The following OPHN1 variants were observed in gnomAD, a reference collection of about 807,000 sequenced individuals.
The protein encoded by OPHN1 is oligophrenin-1.
OPHN1 carries 11 observed loss-of-function variants against 60.7 expected under a neutral mutation model. That is an observed-to-expected ratio of 0.18 (90% CI 0.11 to 0.30). OPHN1 has a LOEUF of 0.30. Ranked by LOEUF, OPHN1 falls within the 10% of genes least tolerant of loss-of-function variation. The pLI is 1.00. For missense variants in OPHN1, 449 were observed against 611.0 expected, an observed-to-expected ratio of 0.73 and a Z score of 2.80; for synonymous variants, 226 against 222.6, an observed-to-expected ratio of 1.02 and a Z score of -0.14.
At chrX:68,256,054 G>A (rs1252598587) in intron 5 of OPHN1, among the ~76,000 whole-genome samples, 1 of 110,369 alleles carries the variant, frequency 9.1e-6, no homozygotes, top group Non-Finnish European at 1.9e-5. Context: ...GAGAGAGGGG[G>A]GTCTCCAAAA....
At chrX:68,212,334 C>T in intron 7 of OPHN1, 122 bp from the exon 8 acceptor site, 1 of 516,708 alleles carries the variant, frequency 1.9e-6, no homozygotes, top group Admixed American at 2.8e-5. Context: ...TGCCTGTAAT[C>T]CCTGCACTTT....
At chrX:68,232,928 GC>G (rs1289714607) in intron 6 of OPHN1, among the ~76,000 whole-genome samples, 1 of 98,503 alleles carries the variant, frequency 1.0e-5, no homozygotes, top group Non-Finnish European at 2.0e-5. Context: ...CACAACTAAG[GC>G]TTTTTTTTTT....
intron 15 of OPHN1, among the ~76,000 whole-genome samples, chrX:68,186,955 C>A (rs2077465255): frequency 8.9e-6 from 1 of 111,996 alleles, no homozygotes; most frequent in African/African-American, 3.2e-5. Context: ...GGAGGAAGTA[C>A]AAACATTCAC....
intron 5 of OPHN1, among the ~76,000 whole-genome samples, chrX:68,245,512 G>A (rs1644482847): frequency 9.0e-6 from 1 of 111,479 alleles, no homozygotes; most frequent in Admixed American, 9.6e-5. Flanking sequence ...GCTCATATAG[G>A]TCTACCTTGG....
intron 6 of OPHN1, among the ~76,000 whole-genome samples, chrX:68,227,142 G>T (rs2077698727): frequency 9.0e-6 from 1 of 111,363 alleles, no homozygotes; most frequent in African/African-American, 3.3e-5. Flanking sequence ...AACCAACAAA[G>T]ATCAAAAGAG....
chrX:68,307,136 A>G (rs1241649777), intron 2 of OPHN1, among the ~76,000 whole-genome samples: 1 of 111,351 alleles, frequency 9.0e-6, no homozygotes, highest in Non-Finnish European at 1.9e-5. Flanking sequence ...CTATAGCTGT[A>G]TTACATTAGG....
chrX:68,352,226 G>A (rs922262989), intron 2 of OPHN1, among the ~76,000 whole-genome samples: 3 of 108,322 alleles, frequency 2.8e-5, no homozygotes, highest in Non-Finnish European at 3.8e-5. Context: ...CTTCTTAAGG[G>A]GCTTAAACTT....
At chrX:68,059,285 G>C (rs754024388) in intron 21 of OPHN1, among the ~76,000 whole-genome samples, 1 of 111,577 alleles carries the variant, frequency 9.0e-6, no homozygotes, top group Non-Finnish European at 1.9e-5. Context: ...GAGTTCTTGG[G>C]ACCTGATGGT....
chrX:68,176,192 GAAAGA>G (rs1254294248), intron 15 of OPHN1, among the ~76,000 whole-genome samples: 1 of 111,532 alleles, frequency 9.0e-6, no homozygotes, highest in Non-Finnish European at 1.9e-5. Context: ...AAATGCACAA[GAAAGA>G]AAAGGAAAAA....
intron 6 of OPHN1, among the ~76,000 whole-genome samples, chrX:68,214,284 C>A (rs1187194031): frequency 6.2e-5 from 7 of 112,127 alleles, no homozygotes; most frequent in African/African-American, 2.3e-4. Context: ...AGAGGAAAAT[C>A]TGCTCCCTCA....
intron 6 of OPHN1, among the ~76,000 whole-genome samples, chrX:68,229,728 G>T (rs1400163033): frequency 3.6e-5 from 4 of 112,250 alleles, no homozygotes; most frequent in African/African-American, 1.3e-4. Flanking sequence ...AGCTGAAACT[G>T]GATCCCTTCC....
chrX:68,349,019 A>G (rs2078392769), intron 2 of OPHN1, among the ~76,000 whole-genome samples: 1 of 111,683 alleles, frequency 9.0e-6, no homozygotes, highest in South Asian at 3.7e-4. Context: ...TGCCATCTAA[A>G]GAAGTTTAAA....
At chrX:68,429,643 A>C (rs1228164114) in intron 2 of OPHN1, among the ~76,000 whole-genome samples, 1 of 111,048 alleles carries the variant, frequency 9.0e-6, no homozygotes, top group Admixed American at 9.7e-5. Flanking sequence ...GGATCACTTG[A>C]GCCCAGGAAT....
chrX:68,100,379 T>C (rs2077053331), intron 18 of OPHN1, among the ~76,000 whole-genome samples: 1 of 112,135 alleles, frequency 8.9e-6, no homozygotes, highest in South Asian at 3.7e-4. Context: ...TTATTACTCA[T>C]TTCTTTTTAG....
At chrX:68,272,150 A>G (rs759376686) in intron 5 of OPHN1, among the ~76,000 whole-genome samples, 65 of 111,706 alleles carry the variant, frequency 5.8e-4, no homozygotes, top group African/African-American at 2.0e-3. Context: ...TAAATTGATA[A>G]CACACAGGGG....
chrX:68,195,348 C>T (rs1424418386), intron 12 of OPHN1, among the ~76,000 whole-genome samples: 2 of 111,831 alleles, frequency 1.8e-5, no homozygotes, highest in Non-Finnish European at 3.8e-5. Context: ...GAAAGAGATC[C>T]ATGAATACAC....
intron 19 of OPHN1, among the ~76,000 whole-genome samples, chrX:68,095,173 T>C (rs1051363825): frequency 8.9e-6 from 1 of 112,002 alleles, no homozygotes; most frequent in Non-Finnish European, 1.9e-5. Flanking sequence ...TATCTAGAGT[T>C]CCTGAAACAG....
chrX:68,092,149 C>T (rs1431619364), intron 19 of OPHN1, among the ~76,000 whole-genome samples: 1 of 111,234 alleles, frequency 9.0e-6, no homozygotes, highest in African/African-American at 3.3e-5. Context: ...TGTTTAAGCC[C>T]TTTTCTATTA....
chrX:68,380,323 C>T (rs1207168121), intron 2 of OPHN1, among the ~76,000 whole-genome samples: 1 of 110,908 alleles, frequency 9.0e-6, no homozygotes, highest in Non-Finnish European at 1.9e-5. Context: ...TCTCTCTTTT[C>T]TTCTTTATTA....
Sources: gnomAD v4.1 joint callset for allele counts (sites outside exome capture counted in the v4.1 genomes callset) on GRCh38, gnomAD v4.1.1 for gene constraint, MANE v1.5 for transcripts, NCBI Gene and HGNC (gene_info 2026-07-23, HGNC 2026-07-21) for gene names.